Variants in FSTL4 observed in about 807,000 individuals in gnomAD.
FSTL4 encodes follistatin-related protein 4.
FSTL4 carries 28 observed loss-of-function variants against 78.2 expected under a neutral mutation model. The ratio of observed to expected loss-of-function variants is 0.36; its 90% CI spans 0.27 to 0.49. FSTL4 has a LOEUF of 0.49. Among genes scored for constraint, FSTL4 ranks in the 20% least tolerant of loss-of-function variants. The pLI, the probability that FSTL4 is intolerant of heterozygous loss-of-function variation, is 0.98. For synonymous variants in FSTL4, 422 were observed against 440.5 expected (o/e 0.96, Z 0.53); for missense variants, 922 against 1,084.9 (o/e 0.85, Z 2.11).
chr5:133,449,980 G>C (rs957892579), intron 3 of FSTL4, among the ~76,000 whole-genome samples: 1 of 152,160 alleles, frequency 6.6e-6, no homozygotes, highest in Admixed American at 6.5e-5. Context: ...TACAATCCAG[G>C]CTTCTCTTTC....
chr5:133,521,208 C>G (rs763419147), intron 3 of FSTL4, among the ~76,000 whole-genome samples: 1 of 152,114 alleles, frequency 6.6e-6, no homozygotes, highest in East Asian at 1.9e-4. Context: ...AGCAGTCTTT[C>G]CTTCTCTATA....
intron 3 of FSTL4, among the ~76,000 whole-genome samples, chr5:133,443,036 T>G (rs1260626053): frequency 6.6e-6 from 1 of 152,352 alleles, no homozygotes; most frequent in East Asian, 1.9e-4. Flanking sequence ...TACCTCTAAA[T>G]ACACCTGCAG....
At chr5:133,535,034 T>C (rs1383793704) in intron 3 of FSTL4, among the ~76,000 whole-genome samples, 1 of 152,148 alleles carries the variant, frequency 6.6e-6, no homozygotes, top group Non-Finnish European at 1.5e-5. Flanking sequence ...GTAATTAAGG[T>C]TAACTGTGGT....
chr5:133,746,878 T>C, the FSTL4 span, among the ~76,000 whole-genome samples: 2 of 152,164 alleles, frequency 1.3e-5, no homozygotes, highest in Non-Finnish European at 1.5e-5. Context: ...GCTCTGAGAA[T>C]ACCGGGCAGA....
intron 3 of FSTL4, among the ~76,000 whole-genome samples, chr5:133,422,994 GAA>G (rs34074412): frequency 0.042 from 6,447 of 152,344 alleles, 251 homozygotes; most frequent in Admixed American, 0.13. Flanking sequence ...TCTTCTGAGA[GAA>G]TGAGGCTAAA....
chr5:133,608,906 TA>T (rs1761030033), intron 1 of FSTL4, among the ~76,000 whole-genome samples: 2 of 152,328 alleles, frequency 1.3e-5, no homozygotes, highest in South Asian at 4.2e-4. Flanking sequence ...AAGCTGTCTT[TA>T]TTGACCAAGT....
chr5:133,635,918 G>A, the FSTL4 span, among the ~76,000 whole-genome samples: 13 of 152,276 alleles, frequency 8.5e-5, no homozygotes, highest in South Asian at 4.2e-4. Flanking sequence ...AGGTCCTGCC[G>A]TGGGCACGAA....
chr5:133,632,219 G>C, the FSTL4 span, among the ~76,000 whole-genome samples: 1 of 151,988 alleles, frequency 6.6e-6, no homozygotes, highest in African/African-American at 2.4e-5. Flanking sequence ...ACCAGTTCAA[G>C]TAAAGTATAA....
chr5:133,480,776 C>T (rs562775045), intron 3 of FSTL4, among the ~76,000 whole-genome samples: 6 of 152,286 alleles, frequency 3.9e-5, no homozygotes, highest in African/African-American at 1.4e-4. Context: ...GCTGAATAAC[C>T]TTCTTCATGA....
chr5:133,533,598 T>C (rs147456099), intron 3 of FSTL4, among the ~76,000 whole-genome samples: 1,880 of 152,224 alleles, frequency 0.012, 40 homozygotes, highest in African/African-American at 0.041. Context: ...ACAGCAGCAA[T>C]AGGAAAACTA....
chr5:133,207,336 T>A (rs1227559093), intron 14 of FSTL4, among the ~76,000 whole-genome samples: 1 of 152,234 alleles, frequency 6.6e-6, no homozygotes, highest in Non-Finnish European at 1.5e-5. Flanking sequence ...AACCCTAAAT[T>A]CCACATTGCC....
intron 14 of FSTL4, among the ~76,000 whole-genome samples, chr5:133,205,998 G>GAATT (rs1428575998): frequency 5.9e-5 from 9 of 152,156 alleles, no homozygotes; most frequent in African/African-American, 2.2e-4. Flanking sequence ...TAGTATGTTA[G>GAATT]AATTAAAAAC....
At chr5:133,674,497 A>G in the FSTL4 span, among the ~76,000 whole-genome samples, 2 of 152,188 alleles carry the variant, frequency 1.3e-5, no homozygotes, top group South Asian at 2.1e-4. Flanking sequence ...GGAAAAGCTA[A>G]CTTTATTAAT....
the FSTL4 span, among the ~76,000 whole-genome samples, chr5:133,757,312 G>T: frequency 6.6e-6 from 1 of 152,128 alleles, no homozygotes; most frequent in East Asian, 1.9e-4. Flanking sequence ...ATTTATCAAT[G>T]AATATTTTAC....
At chr5:133,265,515 T>C (rs2126840248) in intron 6 of FSTL4, among the ~76,000 whole-genome samples, 1 of 152,288 alleles carries the variant, frequency 6.6e-6, no homozygotes, top group Admixed American at 6.5e-5. Context: ...GATGCCTGTC[T>C]GGGGCCTCTG....
At chr5:133,473,480 C>A (rs1003989278) in intron 3 of FSTL4, among the ~76,000 whole-genome samples, 54 of 152,294 alleles carry the variant, frequency 3.5e-4, no homozygotes, top group African/African-American at 1.3e-3. Context: ...CACGCTGCAG[C>A]ACCACACATG....
the FSTL4 span, among the ~76,000 whole-genome samples, chr5:133,645,852 C>T: frequency 1.3e-5 from 2 of 152,160 alleles, no homozygotes; most frequent in African/African-American, 4.8e-5. Flanking sequence ...GTTTCCTCCT[C>T]TAGAGCCTTT....
At chr5:133,552,477 A>G (rs1365475627) in intron 3 of FSTL4, among the ~76,000 whole-genome samples, 1 of 152,230 alleles carries the variant, frequency 6.6e-6, no homozygotes, top group African/African-American at 2.4e-5. Context: ...CAGGGTTATC[A>G]AAGCATTTTG....
At chr5:133,672,112 G>A in the FSTL4 span, among the ~76,000 whole-genome samples, 1 of 152,202 alleles carries the variant, frequency 6.6e-6, no homozygotes, top group Non-Finnish European at 1.5e-5. Context: ...TTAATATCCT[G>A]GTTCTCCTTC....
Sources: allele counts gnomAD v4.1 joint callset (sites outside exome capture counted in the v4.1 genomes callset), GRCh38; gene constraint gnomAD v4.1.1; transcripts MANE v1.5; gene names NCBI Gene and HGNC (gene_info 2026-07-23, HGNC 2026-07-21).